Variants in ALK observed in about 807,000 individuals in gnomAD.
The protein encoded by ALK is ALK receptor tyrosine kinase.
ALK carries 74 observed loss-of-function variants against 163.1 expected under a neutral mutation model. The observed-to-expected ratio is 0.45, with a 90% confidence interval of 0.38 to 0.55. The LOEUF (loss-of-function observed/expected upper bound fraction) is 0.55, where lower values mean the gene tolerates loss of function less well. ALK is among the 20% of genes least tolerant of loss of function. The pLI, the probability that ALK is intolerant of heterozygous loss-of-function variation, is 0.00. For missense variants in ALK, 2,063 were observed against 2,105.3 expected, an observed-to-expected ratio of 0.98 and a Z score of 0.39; for synonymous variants, 960 against 843.2, an observed-to-expected ratio of 1.14 and a Z score of -2.40.
intron 3 of ALK, among the ~76,000 whole-genome samples, chr2:29,550,490 T>TG (rs1673685825): frequency 6.6e-6 from 1 of 152,240 alleles, no homozygotes; most frequent in Non-Finnish European, 1.5e-5. Flanking sequence ...CTGATCTTGT[T>TG]GCTGATTCCA....
chr2:29,657,626 T>A (rs1677224007), intron 3 of ALK, among the ~76,000 whole-genome samples: 1 of 151,948 alleles, frequency 6.6e-6, no homozygotes, highest in Non-Finnish European at 1.5e-5. Context: ...ACACAGTGGG[T>A]AGATACACTT....
At chr2:29,560,305 A>G (rs1673984230) in intron 3 of ALK, among the ~76,000 whole-genome samples, 1 of 152,222 alleles carries the variant, frequency 6.6e-6, no homozygotes, top group African/African-American at 2.4e-5. Context: ...GATACAATAT[A>G]TATGAAGGCC....
intron 3 of ALK, among the ~76,000 whole-genome samples, chr2:29,640,074 C>T (rs1676658156): frequency 6.6e-6 from 1 of 152,170 alleles, no homozygotes; most frequent in African/African-American, 2.4e-5. Flanking sequence ...GCACCTAATG[C>T]TGCGAATTAG....
At chr2:29,215,067 A>G (rs964547317) in intron 23 of ALK, among the ~76,000 whole-genome samples, 2 of 152,168 alleles carry the variant, frequency 1.3e-5, no homozygotes, top group Non-Finnish European at 2.9e-5. Flanking sequence ...GGTCAAATCA[A>G]TCCCCTTTAG....
At chr2:29,839,684 C>G (rs370574177) in intron 1 of ALK, among the ~76,000 whole-genome samples, 3 of 152,066 alleles carry the variant, frequency 2.0e-5, no homozygotes, top group Admixed American at 6.6e-5. Context: ...CTGGAATGAC[C>G]TTTTCTTTAT....
At chr2:29,732,914 T>C (rs1679785368) in intron 1 of ALK, among the ~76,000 whole-genome samples, 1 of 134,750 alleles carries the variant, frequency 7.4e-6, no homozygotes, top group Non-Finnish European at 1.7e-5. Flanking sequence ...TTTTTTTTTT[T>C]AAGCAGCCTG....
At chr2:29,270,450 C>G (rs907507288) in intron 11 of ALK, among the ~76,000 whole-genome samples, 1 of 152,168 alleles carries the variant, frequency 6.6e-6, no homozygotes, top group East Asian at 1.9e-4. Context: ...GATGCAAAGC[C>G]TTTGCTTTGG....
In ALK at chr2:29,212,769, C is replaced by T. The variant is rs13426994; in HGVS notation, c.3743+1215G>A. Among the ~76,000 whole-genome samples, 625 of 152,032 alleles carry T rather than the reference C, an allele frequency of 4.1e-3. 7 individuals are homozygous for T. The highest frequency in any genetic ancestry group is 0.014 in the African/African-American group (592 of 41,466). ...TTGCCCAGGCTGGAGTGCAATGGCA[C>T]GATCTCAGCTCACTGCAACCTCCAC... On this transcript the variant is annotated intron_variant, in intron 24 of 28. Coordinates refer to ENST00000389048, the MANE Select transcript of ALK (RefSeq NM_004304.5).
intron 4 of ALK, among the ~76,000 whole-genome samples, chr2:29,422,756 G>C (rs1013181868): frequency 1.1e-4 from 17 of 152,250 alleles, no homozygotes; most frequent in Middle Eastern, 3.4e-3. Flanking sequence ...GAAGCATTTG[G>C]CATGGCCTAG....
chr2:29,571,381 A>G (rs12619536), intron 3 of ALK, among the ~76,000 whole-genome samples: 146,626 of 152,150 alleles, frequency 0.96, 70,903 homozygotes, highest in East Asian at 1. Context: ...TGATTGGATC[A>G]TGGGGGAAGT....
chr2:29,734,818 A>C (rs891017873), intron 1 of ALK, among the ~76,000 whole-genome samples: 9 of 152,084 alleles, frequency 5.9e-5, no homozygotes, highest in African/African-American at 2.2e-4. Flanking sequence ...AATTTAAATA[A>C]ATTTAATAGA....
intron 3 of ALK, among the ~76,000 whole-genome samples, chr2:29,603,888 C>G (rs1675446021): frequency 6.6e-6 from 1 of 152,188 alleles, no homozygotes; most frequent in Non-Finnish European, 1.5e-5. Flanking sequence ...ACCCACTTGA[C>G]TTGCCAATTC....
intron 3 of ALK, among the ~76,000 whole-genome samples, chr2:29,593,381 T>A (rs539870349): frequency 1.3e-5 from 2 of 152,318 alleles, no homozygotes; most frequent in Middle Eastern, 6.8e-3. Context: ...TTTCTCACCC[T>A]AGGACGTAGT....
intron 1 of ALK, among the ~76,000 whole-genome samples, chr2:29,873,764 C>G (rs113348690): frequency 5.9e-5 from 9 of 152,026 alleles, no homozygotes; most frequent in African/African-American, 1.2e-4. Context: ...CTGAGTTCCT[C>G]TGATATGAAA....
chr2:29,676,100 T>A (rs1235647081), intron 3 of ALK, among the ~76,000 whole-genome samples: 4 of 152,032 alleles, frequency 2.6e-5, no homozygotes, highest in Non-Finnish European at 5.9e-5. Context: ...ATGGATACAC[T>A]TTTTTATGCA....
chr2:29,495,499 C>T (rs886721370), intron 4 of ALK, among the ~76,000 whole-genome samples: 1 of 152,152 alleles, frequency 6.6e-6, no homozygotes, highest in African/African-American at 2.4e-5. Flanking sequence ...GGTTACTAGC[C>T]CTGGCATACT....
At chr2:29,853,387 T>A (rs1666054904) in intron 1 of ALK, among the ~76,000 whole-genome samples, 3 of 152,292 alleles carry the variant, frequency 2.0e-5, no homozygotes, top group Middle Eastern at 3.4e-3. Context: ...AGGCTTTGCA[T>A]CCTTAGTTCT....
At position 29,637,708 on chromosome 2, in the gene ALK, C is replaced by G. The variant is rs958969319; in HGVS notation, c.952+57142G>C. Among the ~76,000 whole-genome samples, 8 of 13,818 alleles carry G rather than the reference C, an allele frequency of 5.8e-4. 1 individual carries two copies. The highest frequency in any genetic ancestry group is 3.9e-3 in the Admixed American group (8 of 2,052). The allele number at this position is 13,818 out of a possible 152,430, so 9.1% of individuals were successfully genotyped here. On this transcript the variant is annotated intron_variant, in intron 3 of 28. Coordinates refer to ENST00000389048, the MANE Select transcript of ALK (RefSeq NM_004304.5). ...TGGGTGACAGAGCAAGACTCCGTCT[C>G]CAAAAAAAAAAAAAGAGGACTCTTT... is the stretch of plus-strand genomic sequence containing the variant.
At chr2:29,827,330 C>A (rs978166490) in intron 1 of ALK, among the ~76,000 whole-genome samples, 1 of 152,198 alleles carries the variant, frequency 6.6e-6, no homozygotes. Context: ...CTGTCTAATG[C>A]AAAACCCAAT....
Sources: gnomAD v4.1 joint callset for allele counts (sites outside exome capture counted in the v4.1 genomes callset) on GRCh38, gnomAD v4.1.1 for gene constraint, MANE v1.5 for transcripts, NCBI Gene and HGNC (gene_info 2026-07-23, HGNC 2026-07-21) for gene names.